NEK10: variants seen among roughly 807,000 people sequenced by gnomAD.
NEK10 encodes the protein serine/threonine-protein kinase Nek10.
A neutral mutation model predicts 159.8 loss-of-function variants in NEK10; 122 were observed. The ratio of observed to expected loss-of-function variants is 0.76; its 90% CI spans 0.66 to 0.89. The LOEUF is 0.89. Ranked by LOEUF, NEK10 falls within the 40% of genes least tolerant of loss-of-function variation. The probability of loss-of-function intolerance (pLI) is 0.00; values close to 1 mark genes in which losing one functional copy is unlikely to be tolerated. For synonymous variants in NEK10, 466 were observed against 457.1 expected, an observed-to-expected ratio of 1.02 and a Z score of -0.25; for missense variants, 1,342 against 1,323.1, an observed-to-expected ratio of 1.01 and a Z score of -0.22.
intron 23 of NEK10, among the ~76,000 whole-genome samples, chr3:27,249,049 A>T (rs12494684): frequency 0.26 from 39,107 of 152,138 alleles, 5,184 homozygotes; most frequent in Middle Eastern, 0.38. Context: ...GTCAAGGGAG[A>T]GACCAGGTGG....
At chr3:27,162,369 C>A in intron 30 of NEK10, 1 of 1,507,004 alleles carries the variant, frequency 6.6e-7, no homozygotes, top group South Asian at 1.4e-5. Context: ...TTAAAATTAC[C>A]ACCCAAGCAT....
chr3:27,192,159 T>A lies in NEK10; in HGVS notation c.2375A>T (p.Asp792Val). 6.2e-7 allele frequency: 1 copy of A among 1,614,188 alleles called. No individual in the cohort carries two copies. The highest frequency in any genetic ancestry group is 8.5e-7 in the Non-Finnish European group (1 of 1,179,996). Residue 792 changes from aspartate (D) to valine (V), a missense_variant, in exon 26 of 36, where the codon GAC becomes GTC. Physicochemically the swap from Asp to Val is radical, Grantham distance 152. Transcript: ENST00000691995. ...MISDVMMKYL[D>V]NLSTSQLSLE... ...GGACAACTGGGATGTAGATAAGTTG[T>A]CTAAATATTTCATCATGACATCTGA...
intron 23 of NEK10, among the ~76,000 whole-genome samples, chr3:27,251,556 G>GT (rs968735179): frequency 6.6e-6 from 1 of 152,168 alleles, no homozygotes; most frequent in Non-Finnish European, 1.5e-5. Context: ...CACCATGAAT[G>GT]TAAGTTTCCT....
chr3:27,314,659 A>AATAT (rs1165761746), intron 6 of NEK10, among the ~76,000 whole-genome samples: 1 of 152,230 alleles, frequency 6.6e-6, no homozygotes, highest in African/African-American at 2.4e-5. Context: ...CATTTCATTC[A>AATAT]ATATTCTCAT....
chr3:27,306,829 G>A (rs2044280367), intron 11 of NEK10, among the ~76,000 whole-genome samples: 1 of 152,084 alleles, frequency 6.6e-6, no homozygotes, highest in Non-Finnish European at 1.5e-5. Flanking sequence ...TAGTTCTCTG[G>A]CACTTTTGTT....
chr3:27,309,142 C>A, intron 9 of NEK10, 137 bp from the exon 10 acceptor site: 7 of 338,742 alleles, frequency 2.1e-5, no homozygotes, highest in Admixed American at 1.1e-4. Context: ...ATAGGCTTAA[C>A]TGTTTTTTTT....
chr3:27,317,969 A>C (rs1283231134), intron 6 of NEK10, among the ~76,000 whole-genome samples: 1 of 151,876 alleles, frequency 6.6e-6, no homozygotes, highest in South Asian at 2.1e-4. Context: ...CGCCCGGCTA[A>C]TTTTTTCTAT....
At chr3:27,353,226 A>G (rs1278392792) in intron 1 of NEK10, among the ~76,000 whole-genome samples, 1 of 152,194 alleles carries the variant, frequency 6.6e-6, no homozygotes, top group Non-Finnish European at 1.5e-5. Context: ...TTTAATTTTC[A>G]GAATAGAAAT....
At chr3:27,225,803 C>T (rs946094219) in intron 23 of NEK10, among the ~76,000 whole-genome samples, 4 of 152,086 alleles carry the variant, frequency 2.6e-5, no homozygotes, top group African/African-American at 7.2e-5. Context: ...GTCTTGCTGA[C>T]GTAATCTGAT....
chr3:27,309,262 T>G (rs540355050), intron 9 of NEK10: 2 of 225,286 alleles, frequency 8.9e-6, no homozygotes, highest in South Asian at 2.9e-4. Flanking sequence ...CTACTGAAAT[T>G]TTTTCATGGC....
intron 6 of NEK10, 98 bp from the exon 7 acceptor site, chr3:27,314,436 ATTATAT>A: frequency 1.3e-6 from 1 of 762,048 alleles, no homozygotes; most frequent in East Asian, 2.7e-5. Context: ...CATATTTATA[ATTATAT>A]TGTGAAGGTC....
chr3:27,196,374 T>C (rs1175056528), intron 25 of NEK10, among the ~76,000 whole-genome samples: 1 of 152,214 alleles, frequency 6.6e-6, no homozygotes, highest in Non-Finnish European at 1.5e-5. Context: ...TGCTCCCAGC[T>C]GAATAAAGCC....
At chr3:27,226,779 C>A (rs963398425) in intron 23 of NEK10, among the ~76,000 whole-genome samples, 9 of 152,072 alleles carry the variant, frequency 5.9e-5, no homozygotes, top group African/African-American at 1.2e-4. Flanking sequence ...AATAAAAATA[C>A]TTGAAGGAGG....
chr3:27,323,033 A>AT (rs1192241492), intron 5 of NEK10, among the ~76,000 whole-genome samples: 4 of 152,112 alleles, frequency 2.6e-5, no homozygotes, highest in Admixed American at 6.6e-5. Flanking sequence ...GGGATAAAGT[A>AT]TTTTTTTAGA....
At chr3:27,282,594 TTA>T (rs1350044945) in intron 22 of NEK10, among the ~76,000 whole-genome samples, 19 of 98,772 alleles carry the variant, frequency 1.9e-4, no homozygotes, top group Admixed American at 1.6e-3. Context: ...CATAACTGTG[TTA>T]TATATATATA....
At chr3:27,328,858 G>C (rs1007746703) in intron 5 of NEK10, among the ~76,000 whole-genome samples, 3 of 152,060 alleles carry the variant, frequency 2.0e-5, no homozygotes, top group African/African-American at 7.2e-5. Context: ...CTAAAACTGA[G>C]GCATTCTCAC....
chr3:27,258,353 A>C (rs1956435928), intron 22 of NEK10, among the ~76,000 whole-genome samples: 1 of 149,512 alleles, frequency 6.7e-6, no homozygotes, highest in Non-Finnish European at 1.5e-5. Flanking sequence ...TATATCTCCA[A>C]ATGCTATCCC....
In NEK10 at chr3:27,111,436, A is replaced by G. The variant is rs73153152; in HGVS notation, c.3300-116T>C. ...AGTAAATAAATCACAGTAAATAAAA[A>G]GACGATTATTTTTGTTAGGATGGGG... On this transcript the variant is annotated intron_variant, in intron 35 of 35. Coordinates refer to ENST00000691995, the MANE Select transcript of NEK10 (RefSeq NM_001394966.1). 4,954 of 779,976 alleles carry G rather than the reference A, an allele frequency of 6.4e-3. 172 individuals carry two copies. The African/African-American group carries it at 0.08, about 13-fold the overall frequency. The allele number at this position is 779,976 out of a possible 1,614,324, so 48.3% of individuals were successfully genotyped here. A position where few individuals can be genotyped will look rare whatever the true frequency, so the allele number is the denominator to read the frequency against.
At chr3:27,203,672 A>G (rs1246935787) in intron 23 of NEK10, among the ~76,000 whole-genome samples, 1 of 152,192 alleles carries the variant, frequency 6.6e-6, no homozygotes, top group Non-Finnish European at 1.5e-5. Flanking sequence ...AGATTAATAT[A>G]GTTAGCTTTG....
Sources: allele counts gnomAD v4.1 joint callset (sites outside exome capture counted in the v4.1 genomes callset), GRCh38; gene constraint gnomAD v4.1.1; transcripts MANE v1.5; gene names NCBI Gene and HGNC (gene_info 2026-07-23, HGNC 2026-07-21).